IMMP2L: variants seen among roughly 807,000 people sequenced by gnomAD.
IMMP2L encodes mitochondrial inner membrane protease subunit 2.
A neutral mutation model predicts 19.3 loss-of-function variants in IMMP2L; 18 were observed. The observed-to-expected ratio is 0.93, with a 90% CI of 0.64 to 1.38. IMMP2L has a LOEUF of 1.38. Ranked by LOEUF, IMMP2L falls within the 40% of genes most tolerant of loss-of-function variation. The pLI is 0.00. For synonymous variants in IMMP2L, 76 were observed against 73.0 expected (o/e 1.04, Z -0.21); for missense variants, 233 against 218.2 (o/e 1.07, Z -0.43).
chr7:111,008,513 T>A (rs1010191363), intron 3 of IMMP2L, among the ~76,000 whole-genome samples: 1 of 152,030 alleles, frequency 6.6e-6, no homozygotes, highest in African/African-American at 2.4e-5. Flanking sequence ...CCTAGGCTCC[T>A]AGCCACCTCC....
chr7:111,262,099 G>T (rs1433421244), intron 3 of IMMP2L, among the ~76,000 whole-genome samples: 1 of 152,044 alleles, frequency 6.6e-6, no homozygotes, highest in Non-Finnish European at 1.5e-5. Flanking sequence ...ATACACAGTA[G>T]AACCTACTAT....
At chr7:111,493,461 G>A (rs1395811995) in intron 2 of IMMP2L, among the ~76,000 whole-genome samples, 1 of 152,094 alleles carries the variant, frequency 6.6e-6, no homozygotes, top group African/African-American at 2.4e-5. Flanking sequence ...CCAGCACTTT[G>A]GGAGGCCAAG....
At chr7:111,070,546 AAACTT>A (rs1383437682) in intron 3 of IMMP2L, among the ~76,000 whole-genome samples, 4 of 152,190 alleles carry the variant, frequency 2.6e-5, no homozygotes, top group African/African-American at 9.6e-5. Flanking sequence ...AGATTGATAA[AAACTT>A]AGAGTAAGTT....
chr7:111,311,685 G>T (rs982499534), intron 3 of IMMP2L, among the ~76,000 whole-genome samples: 3 of 152,094 alleles, frequency 2.0e-5, no homozygotes, highest in Non-Finnish European at 4.4e-5. Context: ...CCATGATGTT[G>T]TATCAGGGTG....
At chr7:111,411,797 C>A (rs1834457675) in intron 3 of IMMP2L, 1 of 201,526 alleles carries the variant, frequency 5.0e-6, no homozygotes, top group South Asian at 9.7e-5. Flanking sequence ...GAATTATGAG[C>A]CAATCGATGC....
intron 4 of IMMP2L, among the ~76,000 whole-genome samples, chr7:110,937,073 G>A (rs1361572755): frequency 2.6e-5 from 4 of 152,090 alleles, no homozygotes; most frequent in Non-Finnish European, 5.9e-5. Context: ...GGCTAGCGGG[G>A]GTTAGCATTA....
intron 3 of IMMP2L, among the ~76,000 whole-genome samples, chr7:111,370,399 T>C (rs1830161819): frequency 2.0e-5 from 3 of 152,048 alleles, no homozygotes; most frequent in Non-Finnish European, 4.4e-5. Flanking sequence ...AACTAAGTAC[T>C]ACTGGGCTTA....
chr7:111,349,791 A>G (rs1290561865), intron 3 of IMMP2L, among the ~76,000 whole-genome samples: 3 of 152,126 alleles, frequency 2.0e-5, no homozygotes, highest in South Asian at 2.1e-4. Context: ...ATGAGGCCCA[A>G]TCCAGCCTTC....
chr7:111,501,301 C>A (rs1029511763), intron 2 of IMMP2L, among the ~76,000 whole-genome samples: 2 of 152,092 alleles, frequency 1.3e-5, no homozygotes, highest in African/African-American at 4.8e-5. Context: ...CAAACAAAGC[C>A]TCCAAGAAAT....
chr7:111,000,797 T>C (rs1823586386), intron 3 of IMMP2L, among the ~76,000 whole-genome samples: 1 of 150,846 alleles, frequency 6.6e-6, no homozygotes, highest in African/African-American at 2.4e-5. Context: ...TGAGCTGAGA[T>C]AGTGCCACTG....
intron 3 of IMMP2L, among the ~76,000 whole-genome samples, chr7:111,232,379 T>G (rs1256337192): frequency 6.6e-6 from 1 of 151,518 alleles, no homozygotes; most frequent in Non-Finnish European, 1.5e-5. Context: ...GAGGGTTTTT[T>G]TTTTTTTTTT....
At chr7:110,688,395 A>G (rs1793262154) in intron 5 of IMMP2L, among the ~76,000 whole-genome samples, 1 of 152,126 alleles carries the variant, frequency 6.6e-6, no homozygotes. Flanking sequence ...ACAAACTGCT[A>G]TGTTTGTGAT....
At chr7:111,342,422 T>C (rs1827110200) in intron 3 of IMMP2L, among the ~76,000 whole-genome samples, 1 of 151,876 alleles carries the variant, frequency 6.6e-6, no homozygotes. Context: ...TGAAACCCTG[T>C]CTCTACTAAA....
At chr7:111,043,323 T>C (rs894174535) in intron 3 of IMMP2L, among the ~76,000 whole-genome samples, 1 of 152,262 alleles carries the variant, frequency 6.6e-6, no homozygotes, top group African/African-American at 2.4e-5. Context: ...TAAGGTATTA[T>C]AATTAACTCA....
At chr7:110,950,917 T>TAC (rs1817768514) in intron 4 of IMMP2L, among the ~76,000 whole-genome samples, 1 of 147,716 alleles carries the variant, frequency 6.8e-6, no homozygotes, top group South Asian at 2.1e-4. Context: ...CAAATATATA[T>TAC]ATATATGAAC....
At chr7:111,510,573 A>T (rs1845352371) in intron 2 of IMMP2L, among the ~76,000 whole-genome samples, 1 of 152,012 alleles carries the variant, frequency 6.6e-6, no homozygotes. Context: ...CAAACTAACC[A>T]ATCCAGAACC....
chr7:111,197,328 T>C (rs1425863567), intron 3 of IMMP2L, among the ~76,000 whole-genome samples: 2 of 152,012 alleles, frequency 1.3e-5, no homozygotes, highest in Non-Finnish European at 2.9e-5. Flanking sequence ...CCGGGCGTGG[T>C]GGCGGGCGCC....
chr7:111,167,528 T>A (rs1314300374), intron 3 of IMMP2L, among the ~76,000 whole-genome samples: 1 of 151,808 alleles, frequency 6.6e-6, no homozygotes, highest in African/African-American at 2.4e-5. Context: ...CCAAATAATA[T>A]CAGAAGGTTA....
intron 3 of IMMP2L, among the ~76,000 whole-genome samples, chr7:111,285,756 G>A (rs771066677): frequency 1.3e-5 from 2 of 152,168 alleles, no homozygotes; most frequent in Middle Eastern, 3.4e-3. Context: ...AATTTCCTGA[G>A]GCTAGAGACC....
Sources: gnomAD v4.1 joint callset for allele counts (sites outside exome capture counted in the v4.1 genomes callset) on GRCh38, gnomAD v4.1.1 for gene constraint, MANE v1.5 for transcripts, NCBI Gene and HGNC (gene_info 2026-07-23, HGNC 2026-07-21) for gene names.